Variants in UMAD1 observed in about 807,000 individuals in gnomAD.
UMAD1 encodes the protein UBAP1-MVB12-associated (UMA)-domain containing protein 1.
A neutral mutation model predicts 6.1 loss-of-function variants in UMAD1; 8 were observed. That is an observed-to-expected ratio of 1.30 (90% CI 0.76 to 2.35). The LOEUF (loss-of-function observed/expected upper bound fraction) is 2.35. Among genes scored for constraint, UMAD1 ranks in the 30% most tolerant of loss-of-function variants. The pLI is 0.00. For missense variants in UMAD1, 130 were observed against 78.4 expected (o/e 1.66, Z -2.49); for synonymous variants, 56 against 31.4 (o/e 1.78, Z -2.61).
intron 2 of UMAD1, among the ~76,000 whole-genome samples, chr7:7,710,777 T>C (rs1780737945): frequency 6.6e-6 from 1 of 152,182 alleles, no homozygotes; most frequent in South Asian, 2.1e-4. Context: ...AGACCCAAAC[T>C]GGATACACAC....
chr7:7,796,715 T>C (rs2115269609), intron 2 of UMAD1, among the ~76,000 whole-genome samples: 1 of 152,234 alleles, frequency 6.6e-6, no homozygotes, highest in South Asian at 2.1e-4. Flanking sequence ...TGGATTCTAG[T>C]GGAACAACTA....
At chr7:7,689,614 G>T (rs1468959431) in intron 2 of UMAD1, among the ~76,000 whole-genome samples, 1 of 152,080 alleles carries the variant, frequency 6.6e-6, no homozygotes, top group Non-Finnish European at 1.5e-5. Context: ...TGTTTTTCAT[G>T]CCCAGACTTC....
intron 3 of UMAD1, among the ~76,000 whole-genome samples, chr7:7,828,136 C>G (rs1178689506): frequency 6.6e-6 from 1 of 152,164 alleles, no homozygotes; most frequent in Admixed American, 6.6e-5. Flanking sequence ...TCATCAATTT[C>G]AAAATATCTT....
intron 2 of UMAD1, among the ~76,000 whole-genome samples, chr7:7,771,298 A>T (rs1782096086): frequency 6.6e-6 from 1 of 152,184 alleles, no homozygotes; most frequent in African/African-American, 2.4e-5. Context: ...GCCTGAAATC[A>T]CATATAGCTA....
chr7:7,846,407 A>T (rs1272962487), intron 3 of UMAD1, among the ~76,000 whole-genome samples: 6 of 152,176 alleles, frequency 3.9e-5, no homozygotes, highest in African/African-American at 1.2e-4. Flanking sequence ...TTCCATAGAT[A>T]CGTAAAAATT....
At chr7:7,699,054 G>T (rs996925758) in intron 2 of UMAD1, among the ~76,000 whole-genome samples, 53 of 150,804 alleles carry the variant, frequency 3.5e-4, no homozygotes, top group Admixed American at 1.6e-3. Context: ...GTGTGTGGGG[G>T]GGGGGTAGAT....
At chr7:7,821,973 C>T (rs535203681) in intron 3 of UMAD1, among the ~76,000 whole-genome samples, 1 of 152,126 alleles carries the variant, frequency 6.6e-6, no homozygotes, top group Admixed American at 6.6e-5. Context: ...TATATTATTA[C>T]ATATTACTGT....
intron 2 of UMAD1, among the ~76,000 whole-genome samples, chr7:7,780,308 C>T (rs543637762): frequency 3.7e-4 from 56 of 152,324 alleles, no homozygotes; most frequent in South Asian, 1.2e-3. Context: ...TCTGTCCCTC[C>T]CAACTACCCC....
intron 3 of UMAD1, among the ~76,000 whole-genome samples, chr7:7,858,847 A>C (rs1784065563): frequency 6.6e-6 from 1 of 152,156 alleles, no homozygotes. Context: ...GCTTTCTTTC[A>C]TACATGTACA....
At chr7:7,832,693 C>G (rs1056612176) in intron 3 of UMAD1, among the ~76,000 whole-genome samples, 2 of 152,164 alleles carry the variant, frequency 1.3e-5, no homozygotes, top group African/African-American at 2.4e-5. Context: ...ATGTACCATG[C>G]TACCACGAAG....
At chr7:7,876,816 A>G (rs1287103354) in intron 3 of UMAD1, among the ~76,000 whole-genome samples, 2 of 152,206 alleles carry the variant, frequency 1.3e-5, no homozygotes, top group Non-Finnish European at 2.9e-5. Flanking sequence ...ATATTTGCAT[A>G]TGGAACAGCA....
chr7:7,864,913 A>G (rs1421792071), intron 3 of UMAD1, among the ~76,000 whole-genome samples: 1 of 152,144 alleles, frequency 6.6e-6, no homozygotes, highest in African/African-American at 2.4e-5. Flanking sequence ...ATGCCTATGT[A>G]ATAAAACCTC....
intron 2 of UMAD1, among the ~76,000 whole-genome samples, chr7:7,800,551 TAC>T (rs1229217023): frequency 6.6e-6 from 1 of 152,168 alleles, no homozygotes; most frequent in African/African-American, 2.4e-5. Flanking sequence ...CTGAGCGGTG[TAC>T]ACTATACCCA....
intron 1 of UMAD1, among the ~76,000 whole-genome samples, chr7:7,661,085 T>C (rs1785463796): frequency 6.6e-6 from 1 of 152,204 alleles, no homozygotes; most frequent in African/African-American, 2.4e-5. Flanking sequence ...TCTGATATCC[T>C]TTCTTCCACT....
At chr7:7,682,693 T>C (rs943955710) in intron 2 of UMAD1, among the ~76,000 whole-genome samples, 3 of 152,236 alleles carry the variant, frequency 2.0e-5, no homozygotes, top group Admixed American at 6.5e-5. Context: ...TTAGAGTGTT[T>C]ATGGATTAAA....
chr7:7,801,614 T>C lies in UMAD1; in HGVS notation c.83-56T>C, dbSNP rs1050469756. ...GATACTTCAAACAAATAGCAAGTAGTTTGGCCTCAGTAATATGGTCAAGTT... is the reference window on the plus strand; with the variant it reads ...GATACTTCAAACAAATAGCAAGTAGCTTGGCCTCAGTAATATGGTCAAGTT... On this transcript the variant is annotated intron_variant, in intron 2 of 3. Coordinates refer to ENST00000682710, the MANE Select transcript of UMAD1 (RefSeq NM_001302348.2). The C allele has an allele frequency of 4.3e-6, 3 of 694,216 alleles. No individual in the cohort carries two copies. In the Admixed American group the frequency reaches 6.6e-5, roughly 15 times the overall value. 43.0% of individuals were successfully genotyped at this position (694,216 alleles called of 1,614,324 possible). A position where few individuals can be genotyped will look rare whatever the true frequency, so the allele number is the denominator to read the frequency against.
rs1170373103 is a variant in UMAD1 at position 7,847,092 on chromosome 7, AAAAAAAAAAAAAATATATAT to A, written c.157-30187_157-30168del. Among the ~76,000 whole-genome samples, 13 of 29,242 alleles carry A rather than the reference AAAAAAAAAAAAAATATATAT, an allele frequency of 4.4e-4. 1 individual carries two copies. The highest frequency in any genetic ancestry group is 2.5e-3 in the African/African-American group (11 of 4,362). 19.2% of individuals were successfully genotyped at this position (29,242 alleles called of 152,430 possible). ...AAAAAAAAAAGACAGCAATGCAAAA[AAAAAAAAAAAAAATATATAT>A]ATATATATATATATATATATATATA... On this transcript the variant is annotated intron_variant, in intron 3 of 3. Transcript: ENST00000682710.
intron 2 of UMAD1, among the ~76,000 whole-genome samples, chr7:7,724,174 A>C (rs2115186036): frequency 6.6e-6 from 1 of 152,274 alleles, no homozygotes; most frequent in Admixed American, 6.5e-5. Flanking sequence ...ATGTCATTTC[A>C]GATAGTCCCT....
intron 3 of UMAD1, among the ~76,000 whole-genome samples, chr7:7,850,740 CAATT>C (rs56363199): frequency 0.094 from 14,292 of 151,852 alleles, 813 homozygotes; most frequent in Middle Eastern, 0.16. Context: ...TGATATTTTT[CAATT>C]AATTCATATA....
Sources: gnomAD v4.1 joint callset for allele counts (sites outside exome capture counted in the v4.1 genomes callset) on GRCh38, gnomAD v4.1.1 for gene constraint, MANE v1.5 for transcripts, NCBI Gene and HGNC (gene_info 2026-07-23, HGNC 2026-07-21) for gene names.